The following SPIDR variants were observed in gnomAD, a reference collection of about 807,000 sequenced individuals.
SPIDR encodes the protein scaffold protein involved in DNA repair.
A neutral mutation model predicts 104.6 loss-of-function variants in SPIDR; 93 were observed. The ratio of observed to expected loss-of-function variants is 0.89; its 90% CI spans 0.75 to 1.06. The LOEUF is 1.06. Ranked by LOEUF, SPIDR falls within the 50% of genes least tolerant of loss-of-function variation. The pLI is 0.00. For synonymous variants in SPIDR, 431 were observed against 416.9 expected (o/e 1.03, Z -0.41); for missense variants, 1,154 against 1,111.2 (o/e 1.04, Z -0.55).
At chr8:47,517,100 T>C (rs2083283588) in intron 8 of SPIDR, among the ~76,000 whole-genome samples, 1 of 152,124 alleles carries the variant, frequency 6.6e-6, no homozygotes, top group African/African-American at 2.4e-5. Flanking sequence ...TTCTCCTGCC[T>C]CAGCCTCCCA....
At chr8:47,683,709 G>T (rs1026429848) in intron 11 of SPIDR, among the ~76,000 whole-genome samples, 7 of 152,122 alleles carry the variant, frequency 4.6e-5, no homozygotes, top group Non-Finnish European at 7.4e-5. Context: ...TGCACAAAAG[G>T]TTTTGAATTT....
At chr8:47,627,068 A>G (rs892392718) in intron 10 of SPIDR, among the ~76,000 whole-genome samples, 4 of 152,222 alleles carry the variant, frequency 2.6e-5, no homozygotes, top group African/African-American at 9.6e-5. Context: ...ATAAAAAATG[A>G]TGAGTTCACG....
rs574936492 is a variant in SPIDR at position 47,386,390 on chromosome 8, A to T, written c.526-9986A>T. On this transcript the variant is annotated intron_variant, in intron 5 of 19. Coordinates refer to ENST00000297423, the MANE Select transcript of SPIDR (RefSeq NM_001080394.4). ...GTAATTCTACTTGACGTAAGTATTC[A>T]TATACTTTATATATGTATATTTTAA... Among the ~76,000 whole-genome samples, 12 of 152,306 alleles carry T rather than the reference A, an allele frequency of 7.9e-5. No individual in the cohort carries two copies. In the East Asian group the frequency reaches 2.3e-3, roughly 29 times the overall value.
intron 11 of SPIDR, among the ~76,000 whole-genome samples, chr8:47,685,763 A>G (rs1349125534): frequency 6.6e-6 from 1 of 151,968 alleles, no homozygotes; most frequent in African/African-American, 2.4e-5. Flanking sequence ...CCATGTTGCC[A>G]GTATGGTCTC....
At chr8:47,362,972 A>G in intron 5 of SPIDR, among the ~76,000 whole-genome samples, 1 of 151,948 alleles carries the variant, frequency 6.6e-6, no homozygotes, top group Non-Finnish European at 1.5e-5. Context: ...TTTTCTGGCC[A>G]ACATCGCCCA....
At chr8:47,496,501 A>T (rs2079460000) in intron 8 of SPIDR, among the ~76,000 whole-genome samples, 1 of 152,098 alleles carries the variant, frequency 6.6e-6, no homozygotes, top group Non-Finnish European at 1.5e-5. Flanking sequence ...ACATTAATTG[A>T]GTTTCAAGTG....
intron 8 of SPIDR, among the ~76,000 whole-genome samples, chr8:47,579,625 C>T (rs965877006): frequency 6.6e-6 from 1 of 152,200 alleles, no homozygotes; most frequent in Non-Finnish European, 1.5e-5. Context: ...GACCCTTGTA[C>T]AGTACATATA....
At chr8:47,452,416 C>T (rs1554706653) in intron 8 of SPIDR, among the ~76,000 whole-genome samples, 1 of 152,078 alleles carries the variant, frequency 6.6e-6, no homozygotes. Flanking sequence ...CAAAAAAAGA[C>T]AATTTTAGAC....
intron 5 of SPIDR, chr8:47,330,825 GT>G: frequency 2.2e-6 from 1 of 456,170 alleles, no homozygotes; most frequent in Non-Finnish European, 4.4e-6. Flanking sequence ...ACATTTGGAA[GT>G]TTCCGTGTGG....
intron 8 of SPIDR, among the ~76,000 whole-genome samples, chr8:47,447,218 T>C (rs2070816557): frequency 6.6e-6 from 1 of 152,188 alleles, no homozygotes; most frequent in Non-Finnish European, 1.5e-5. Flanking sequence ...TGTTTTGTTT[T>C]GTTTTGTTTT....
chr8:47,695,552 C>G (rs979577536), intron 11 of SPIDR, among the ~76,000 whole-genome samples: 6 of 152,110 alleles, frequency 3.9e-5, no homozygotes, highest in African/African-American at 1.4e-4. Context: ...TTAAATTGTC[C>G]TGTGAAGATT....
intron 10 of SPIDR, among the ~76,000 whole-genome samples, chr8:47,658,029 C>CAAAAAA (rs34648437): frequency 3.2e-3 from 244 of 75,654 alleles, no homozygotes; most frequent in Non-Finnish European, 4.3e-3. Flanking sequence ...GACCCTGTCT[C>CAAAAAA]AAAAAAAAAA....
At chr8:47,395,398 C>A (rs893608820) in intron 5 of SPIDR, among the ~76,000 whole-genome samples, 1 of 151,966 alleles carries the variant, frequency 6.6e-6, no homozygotes, top group Non-Finnish European at 1.5e-5. Flanking sequence ...GAAAAAAAGG[C>A]CTTTTGTTTT....
intron 4 of SPIDR, among the ~76,000 whole-genome samples, chr8:47,292,845 G>A (rs982222426): frequency 2.2e-4 from 34 of 152,106 alleles, no homozygotes; most frequent in African/African-American, 7.7e-4. Context: ...CGAATGGTGT[G>A]ATGGGCTCTT....
intron 14 of SPIDR, among the ~76,000 whole-genome samples, chr8:47,710,537 C>T (rs2081709603): frequency 6.6e-6 from 1 of 151,342 alleles, no homozygotes; most frequent in Admixed American, 6.6e-5. Context: ...GGTGCAATCT[C>T]AGCTCACCGC....
intron 1 of SPIDR, among the ~76,000 whole-genome samples, chr8:47,269,378 C>T (rs1018123833): frequency 6.6e-6 from 1 of 151,708 alleles, no homozygotes; most frequent in Non-Finnish European, 1.5e-5. Flanking sequence ...CTGCCTCAGC[C>T]TCCTGAGTAG....
intron 8 of SPIDR, among the ~76,000 whole-genome samples, chr8:47,561,499 T>C (rs372689932): frequency 6.6e-6 from 1 of 152,196 alleles, no homozygotes; most frequent in Non-Finnish European, 1.5e-5. Context: ...CCCGCTGCAG[T>C]TGATCTTTAG....
chr8:47,627,639 A>G (rs989594088), intron 10 of SPIDR, among the ~76,000 whole-genome samples: 1 of 152,022 alleles, frequency 6.6e-6, no homozygotes, highest in African/African-American at 2.4e-5. Flanking sequence ...ACTAAATCCA[A>G]ACGGGAAATT....
In SPIDR at chr8:47,729,032, C is replaced by T. The variant is rs758598461; in HGVS notation, c.2535C>T (p.Cys845=). The change falls in exon 18 of 20, where the codon TGC becomes TGT. Residue 845 remains cysteine (C), a synonymous_variant. Transcript: ENST00000297423. ...TGGACTGCCGCTCAAGACCGCAGTG[C>T]AGAGTGAAGGTCAAGGTAGGAGCCA... ...VFLDCRSRPQ[C]RVKVKLLQRS... The T allele has an allele frequency of 1.2e-6, 2 of 1,613,872 alleles. No individual in the cohort carries two copies. The highest frequency in any genetic ancestry group is 2.7e-5 in the African/African-American group (2 of 74,926).
Sources: gnomAD v4.1 joint callset for allele counts (sites outside exome capture counted in the v4.1 genomes callset) on GRCh38, gnomAD v4.1.1 for gene constraint, MANE v1.5 for transcripts, NCBI Gene and HGNC (gene_info 2026-07-23, HGNC 2026-07-21) for gene names.